Variants in TRIM33 observed in about 807,000 individuals in gnomAD.
TRIM33 encodes E3 ubiquitin-protein ligase TRIM33.
Under a neutral mutation model 125.4 loss-of-function variants are expected in TRIM33, and 20 were observed. That is an observed-to-expected ratio of 0.16 (90% CI 0.11 to 0.23). The LOEUF is 0.23. Ranked by LOEUF, TRIM33 falls within the 10% of genes least tolerant of loss-of-function variation. The pLI, the probability that TRIM33 is intolerant of heterozygous loss-of-function variation, is 1.00. For missense variants in TRIM33, 920 were observed against 1,411.4 expected, an observed-to-expected ratio of 0.65 and a Z score of 5.58; for synonymous variants, 564 against 513.9, an observed-to-expected ratio of 1.10 and a Z score of -1.32.
At chr1:114,435,546 T>A (rs983813539) in intron 4 of TRIM33, among the ~76,000 whole-genome samples, 5 of 152,178 alleles carry the variant, frequency 3.3e-5, no homozygotes, top group African/African-American at 4.8e-5. Context: ...ACTATGAAAT[T>A]GTTAACATAA....
Position 114,410,366 on chromosome 1 carries a change from G to A in TRIM33, c.2062-50C>T, listed in dbSNP as rs771351517. 2.6e-5 allele frequency: 41 copies of A among 1,568,656 alleles called. 1 individual carries two copies. The South Asian group carries it at 4.7e-4, about 18-fold the overall frequency. ...AATTTGCTTTGATTAAAGCAGAGAAGTTATTAATTTTATGTCACTGCTTAT... is the reference window on the plus strand; with the variant it reads ...AATTTGCTTTGATTAAAGCAGAGAAATTATTAATTTTATGTCACTGCTTAT... On this transcript the variant is annotated intron_variant, in intron 11 of 19. Coordinates refer to ENST00000358465, the MANE Select transcript of TRIM33 (RefSeq NM_015906.4).
chr1:114,462,245 T>C (rs1650046234), intron 4 of TRIM33, among the ~76,000 whole-genome samples: 1 of 152,198 alleles, frequency 6.6e-6, no homozygotes, highest in Non-Finnish European at 1.5e-5. Flanking sequence ...GCAATAATGG[T>C]TGGCAATTGG....
intron 1 of TRIM33, among the ~76,000 whole-genome samples, chr1:114,480,829 AGAG>A (rs1272669674): frequency 1.3e-5 from 2 of 152,178 alleles, no homozygotes; most frequent in Non-Finnish European, 2.9e-5. Context: ...AAGTAAAAGG[AGAG>A]GAGAAGATAA....
At chr1:114,405,823 AT>A in intron 14 of TRIM33, 64 bp from the exon 15 acceptor site, 7 of 1,370,442 alleles carry the variant, frequency 5.1e-6, no homozygotes, top group Non-Finnish European at 7.0e-6. Context: ...CCATATGTGT[AT>A]TTAACAGTTA....
Position 114,395,744 on chromosome 1 carries a change from CTTAAA to C in TRIM33, c.*1899_*1903del, listed in dbSNP as rs914203910. 35 of 189,294 alleles carry C rather than the reference CTTAAA, an allele frequency of 1.8e-4. No homozygotes were observed. Among genetic ancestry groups the C allele is most frequent in the African/African-American group, 3.7e-4 (16 of 42,972 alleles). 11.7% of individuals were successfully genotyped at this position (189,294 alleles called of 1,614,324 possible). ...CAACAGTTTGGTATATTTTCAACGGCTTAAATTATTTTTTAAAAATTGAAAGAAAA... is the reference window on the plus strand; with the variant it reads ...CAACAGTTTGGTATATTTTCAACGGCTTATTTTTTAAAAATTGAAAGAAAA... On this transcript the variant is annotated 3_prime_UTR_variant, in exon 20 of 20. Coordinates refer to ENST00000358465, the MANE Select transcript of TRIM33 (RefSeq NM_015906.4).
intron 11 of TRIM33, 71 bp downstream of exon 11, chr1:114,421,365 T>A: frequency 7.3e-7 from 1 of 1,374,684 alleles, no homozygotes; most frequent in Non-Finnish European, 1.0e-6. Flanking sequence ...AAAAAAAAAC[T>A]CTGAAATAAA....
At position 114,396,936 on chromosome 1, in the gene TRIM33, CTAAA is replaced by C. The variant is rs1161611740; in HGVS notation, c.*708_*711del. ...TTTTCTGGAAACAACTACTATAACT[CTAAA>C]TAATCCACTAATGAAAAGTTACCAT... On this transcript the variant is annotated 3_prime_UTR_variant, in exon 20 of 20. Coordinates refer to ENST00000358465, the MANE Select transcript of TRIM33 (RefSeq NM_015906.4). The C allele has an allele frequency of 1.9e-5, 4 of 214,802 alleles. No homozygotes were observed. The highest frequency in any genetic ancestry group is 9.0e-5 in the African/African-American group (4 of 44,344). The allele number at this position is 214,802 out of a possible 1,614,324, so 13.3% of individuals were successfully genotyped here. A position where few individuals can be genotyped will look rare whatever the true frequency, so the allele number is the denominator to read the frequency against.
intron 4 of TRIM33, among the ~76,000 whole-genome samples, chr1:114,449,777 A>AC (rs1649205316): frequency 6.6e-6 from 1 of 152,200 alleles, no homozygotes; most frequent in African/African-American, 2.4e-5. Flanking sequence ...CTCATGAACT[A>AC]CCACATGCCA....
intron 1 of TRIM33, among the ~76,000 whole-genome samples, chr1:114,501,353 T>G (rs568696942): frequency 1.4e-5 from 2 of 143,658 alleles, no homozygotes; most frequent in East Asian, 1.9e-4. Flanking sequence ...CTCTTTCACA[T>G]AGCTGGCAAG....
At chr1:114,506,694 C>T (rs1422240633) in intron 1 of TRIM33, among the ~76,000 whole-genome samples, 1 of 152,122 alleles carries the variant, frequency 6.6e-6, no homozygotes, top group Admixed American at 6.5e-5. Flanking sequence ...GATAGCTGTT[C>T]TGCCTCAACC....
At chr1:114,437,494 A>T (rs1401082410) in intron 4 of TRIM33, among the ~76,000 whole-genome samples, 1 of 152,114 alleles carries the variant, frequency 6.6e-6, no homozygotes, top group East Asian at 1.9e-4. Flanking sequence ...ATGAGTCACG[A>T]CACCCAGCTA....
chr1:114,457,012 C>T (rs962961215), intron 4 of TRIM33, among the ~76,000 whole-genome samples: 1 of 152,134 alleles, frequency 6.6e-6, no homozygotes, highest in Non-Finnish European at 1.5e-5. Context: ...CTGTAGCCAC[C>T]TACCCCAGCA....
At position 114,394,913 on chromosome 1, in the gene TRIM33, GAA is replaced by G. The variant is rs1296471492; in HGVS notation, c.*2733_*2734del. Reference sequence around the variant, plus strand: ...CAGCAAAAACTTTAAAAGCTTTTAAGAAAACATTATTATGTGGACTTTTCTCC... The same window carrying G: ...CAGCAAAAACTTTAAAAGCTTTTAAGAACATTATTATGTGGACTTTTCTCC... On this transcript the variant is annotated 3_prime_UTR_variant, in exon 20 of 20. Transcript: ENST00000358465. The G allele has an allele frequency of 5.2e-6, 1 of 194,150 alleles. No homozygotes were observed. The highest frequency in any genetic ancestry group is 1.1e-5 in the Non-Finnish European group (1 of 93,174). The allele number at this position is 194,150 out of a possible 1,614,324, so 12.0% of individuals were successfully genotyped here.
chr1:114,395,167 G>T lies in TRIM33; in HGVS notation c.*2481C>A, dbSNP rs1651478922. On this transcript the variant is annotated 3_prime_UTR_variant, in exon 20 of 20. Transcript: ENST00000358465. ...ACAACGATCAGTGTGCAAGAAAAAA[G>T]CTTTAATAAAAAATCTAAAGTGAAT... The T allele has an allele frequency of 5.0e-6, 1 of 201,716 alleles. No individual in the cohort carries two copies. The highest frequency in any genetic ancestry group is 1.0e-5 in the Non-Finnish European group (1 of 98,262). 12.5% of individuals were successfully genotyped at this position (201,716 alleles called of 1,614,324 possible). A position where few individuals can be genotyped will look rare whatever the true frequency, so the allele number is the denominator to read the frequency against.
chr1:114,471,214 C>T (rs956940314), intron 1 of TRIM33, among the ~76,000 whole-genome samples: 23 of 152,068 alleles, frequency 1.5e-4, no homozygotes, highest in African/African-American at 9.7e-5. Context: ...TTTGGAAGGC[C>T]GAGGTGGGCG....
At position 114,511,024 on chromosome 1, in the gene TRIM33, C is replaced by T; in HGVS notation, c.53G>A (p.Gly18Asp). The change falls in exon 1 of 20, where the codon GGC (glycine) becomes GAC (aspartate). Residue 18 changes from glycine (G) to aspartate (D), a missense_variant. By Grantham distance (94) the Gly-to-Asp change is moderately conservative. Around this residue, in one of 8 missense-constraint regions of TRIM33, gnomAD observed 233 missense variants for 189.6 expected, o/e 1.23. Transcript: ENST00000358465. ...GEAESGGGGS[G>D]SAPVTAGAAG... is the part of the protein sequence containing the mutation. ...GGCCCCGGCAGTTACCGGCGCGCTG[C>T]CGCTGCCCCCGCCGCCGCTCTCAGC... 2 of 1,319,174 alleles carry T rather than the reference C, an allele frequency of 1.5e-6. No individual in the cohort carries two copies. The highest frequency in any genetic ancestry group is 1.8e-5 in the South Asian group (1 of 54,222). 81.7% of individuals were successfully genotyped at this position (1,319,174 alleles called of 1,614,324 possible).
intron 1 of TRIM33, among the ~76,000 whole-genome samples, chr1:114,499,559 A>C (rs1385174271): frequency 6.6e-6 from 1 of 152,174 alleles, no homozygotes; most frequent in African/African-American, 2.4e-5. Context: ...CCAGCCTATA[A>C]GGTAAACACT....
chr1:114,485,085 C>A lies in TRIM33; in HGVS notation c.527-20697G>T, dbSNP rs543232605. Among the ~76,000 whole-genome samples, 20 of 151,852 alleles carry A rather than the reference C, an allele frequency of 1.3e-4. No individual in the cohort carries two copies. In the South Asian group the frequency reaches 3.1e-3, roughly 24 times the overall value. ...AAAAAAAGTACGTGTTTATTAAAGT[C>A]TCCAAAACTCCAAACTCCCAAGAGC... is the stretch of plus-strand genomic sequence containing the variant. On this transcript the variant is annotated intron_variant, in intron 1 of 19. Coordinates refer to ENST00000358465, the MANE Select transcript of TRIM33 (RefSeq NM_015906.4).
chr1:114,509,114 T>A (rs1653177517), intron 1 of TRIM33, among the ~76,000 whole-genome samples: 1 of 152,180 alleles, frequency 6.6e-6, no homozygotes, highest in Admixed American at 6.5e-5. Context: ...CCTTCCCTCA[T>A]CCCTCAAGTG....
Sources: gnomAD v4.1 joint callset for allele counts (sites outside exome capture counted in the v4.1 genomes callset) on GRCh38, gnomAD v4.1.1 for gene constraint, gnomAD v4.1.1 regional missense constraint, MANE v1.5 for transcripts, NCBI Gene and HGNC (gene_info 2026-07-23, HGNC 2026-07-21) for gene names.